AHCTF1: variants seen among roughly 807,000 people sequenced by gnomAD.
The protein encoded by AHCTF1 is AT-hook containing transcription factor 1, also known as protein ELYS.
Under a neutral mutation model 248.4 loss-of-function variants are expected in AHCTF1, and 24 were observed. That is an observed-to-expected ratio of 0.10 (90% confidence interval 0.07 to 0.14). The LOEUF (loss-of-function observed/expected upper bound fraction) is 0.14, where lower values mean the gene tolerates loss of function less well. Ranked by LOEUF, AHCTF1 falls within the 10% of genes least tolerant of loss-of-function variation. The pLI is 1.00. For synonymous variants in AHCTF1, 786 were observed against 929.8 expected, an observed-to-expected ratio of 0.85 and a Z score of 2.81; for missense variants, 2,206 against 2,636.2, an observed-to-expected ratio of 0.84 and a Z score of 3.57.
At chr1:246,891,673 C>T (rs1664213877) in intron 15 of AHCTF1, 106 bp downstream of exon 15, 1 of 1,205,108 alleles carries the variant, frequency 8.3e-7, no homozygotes, top group African/African-American at 1.6e-5. Flanking sequence ...GAAATAAAGT[C>T]CTCTTTACAT....
chr1:246,869,924 T>C (rs1052320011), intron 24 of AHCTF1, among the ~76,000 whole-genome samples: 1 of 152,198 alleles, frequency 6.6e-6, no homozygotes, highest in Non-Finnish European at 1.5e-5. Flanking sequence ...TAGTGATTCC[T>C]CTGAGAGATC....
chr1:246,884,579 C>T (rs1663681512), intron 21 of AHCTF1, among the ~76,000 whole-genome samples: 2 of 152,172 alleles, frequency 1.3e-5, no homozygotes, highest in South Asian at 2.1e-4. Flanking sequence ...AGCAATTTCT[C>T]CAGCTTAGTT....
intron 21 of AHCTF1, among the ~76,000 whole-genome samples, chr1:246,882,815 G>C (rs183038891): frequency 2.5e-3 from 378 of 152,308 alleles, no homozygotes; most frequent in Non-Finnish European, 3.1e-3. Context: ...AGTTGTGATG[G>C]TATGTCCATA....
Position 246,863,962 on chromosome 1 carries a change from A to G in AHCTF1, c.3502T>C (p.Ser1168Pro), listed in dbSNP as rs1382088087. Residue 1168 changes from serine to proline, a missense_variant, in exon 27 of 36, where the codon TCA (serine) becomes CCA (proline). Coordinates refer to ENST00000648844, the MANE Select transcript of AHCTF1 (RefSeq NM_001323342.2). Reference protein sequence around the residue: ...KGSPQAISRASELHLLETPLV... With the variant: ...KGSPQAISRAPELHLLETPLV... ...GGAGTTTCAAGCAAATGTAATTCTG[A>G]AGCCCTGGAGATGGCCTGAGGCGAT... The G allele has an allele frequency of 1.2e-6, 2 of 1,613,992 alleles. No individual in the cohort carries two copies. Among genetic ancestry groups the G allele is most frequent in the Non-Finnish European group, 8.5e-7 (1 of 1,179,972 alleles).
At chr1:246,862,268 C>CAGG in intron 27 of AHCTF1, 115 bp from the exon 28 acceptor site, 1 of 638,018 alleles carries the variant, frequency 1.6e-6, no homozygotes, top group Non-Finnish European at 2.5e-6. Flanking sequence ...ATCACCAGGT[C>CAGG]AGGAGATCGA....
chr1:246,922,713 T>C (rs1233836941), intron 1 of AHCTF1, among the ~76,000 whole-genome samples: 1 of 149,968 alleles, frequency 6.7e-6, no homozygotes, highest in Non-Finnish European at 1.5e-5. Context: ...CTGGGCGCAG[T>C]GGCTCACGCC....
intron 21 of AHCTF1, among the ~76,000 whole-genome samples, chr1:246,882,107 C>T (rs1663485438): frequency 6.6e-6 from 1 of 151,558 alleles, no homozygotes; most frequent in Non-Finnish European, 1.5e-5. Context: ...ACGCCATTCT[C>T]CTGCCTCAGC....
chr1:246,880,622 C>T (rs373549632), intron 21 of AHCTF1, among the ~76,000 whole-genome samples: 5 of 150,526 alleles, frequency 3.3e-5, no homozygotes, highest in African/African-American at 1.2e-4. Context: ...CCCAGTTGAT[C>T]AGACAAACTA....
intron 31 of AHCTF1, among the ~76,000 whole-genome samples, chr1:246,853,656 T>A (rs551536958): frequency 9.3e-5 from 14 of 149,760 alleles, no homozygotes; most frequent in African/African-American, 3.6e-4. Flanking sequence ...CAGAATTACA[T>A]GAGGAACATG....
At chr1:246,870,394 G>A (rs894512857) in intron 24 of AHCTF1, among the ~76,000 whole-genome samples, 7 of 152,236 alleles carry the variant, frequency 4.6e-5, no homozygotes, top group Admixed American at 4.6e-4. Context: ...CTGTACTAGA[G>A]CATCTGTGAC....
intron 26 of AHCTF1, 125 bp from the exon 27 acceptor site, chr1:246,864,241 T>C: frequency 2.0e-6 from 2 of 979,754 alleles, no homozygotes; most frequent in Non-Finnish European, 3.0e-6. Flanking sequence ...GTCAAGTATA[T>C]TAATGTAATC....
chr1:246,916,329 T>C lies in AHCTF1; in HGVS notation c.188A>G (p.Glu63Gly), dbSNP rs1397949517. The change falls in exon 3 of 36, where the codon GAG becomes GGG. Residue 63 changes from glutamate to glycine, a missense_variant. By Grantham distance (98) the Glu-to-Gly change is moderately conservative. This residue lies in a region of AHCTF1 where 69 missense variants were observed against 85.4 expected (regional missense o/e 0.81). Transcript: ENST00000648844. ...QLEVVNSITG[E>G]RLSAYRFSGV... ...ACTGAATCTGTAAGCAGACAATCGC[T>C]CTCCTGTTATAGAGTTTACTACCTC... 1 of 1,609,896 alleles carries C rather than the reference T, an allele frequency of 6.2e-7. No homozygotes were observed. Among genetic ancestry groups the C allele is most frequent in the Non-Finnish European group, 8.5e-7 (1 of 1,177,328 alleles).
intron 14 of AHCTF1, among the ~76,000 whole-genome samples, chr1:246,892,968 C>G (rs577004784): frequency 6.1e-4 from 93 of 152,238 alleles, no homozygotes; most frequent in African/African-American, 2.2e-3. Flanking sequence ...AAAACACTTA[C>G]TATGCTTTGT....
At chr1:246,881,753 G>A (rs1413283707) in intron 21 of AHCTF1, among the ~76,000 whole-genome samples, 3 of 149,680 alleles carry the variant, frequency 2.0e-5, no homozygotes, top group Non-Finnish European at 3.0e-5. Context: ...CAGGAGAATC[G>A]CTTGAACCTG....
rs566407863 is a variant in AHCTF1, at chr1:246,848,799, G to A, written c.6391+816C>T. On this transcript the variant is annotated intron_variant, in intron 33 of 35. Coordinates refer to ENST00000648844, the MANE Select transcript of AHCTF1 (RefSeq NM_001323342.2). ...CAGGGGGCACATGTTGCAGTGAGCC[G>A]AGATCATGCCATTGTGCTCCAGCCT... Among the ~76,000 whole-genome samples, 4 of 151,992 alleles carry A rather than the reference G, an allele frequency of 2.6e-5. No homozygotes were observed. In the South Asian group the frequency reaches 6.2e-4, roughly 24 times the overall value.
chr1:246,915,619 A>G (rs1306888357), intron 3 of AHCTF1, among the ~76,000 whole-genome samples: 1 of 152,210 alleles, frequency 6.6e-6, no homozygotes, highest in Non-Finnish European at 1.5e-5. Context: ...TGCTAGTCTT[A>G]TTCATTTGTC....
intron 28 of AHCTF1, 30 bp downstream of exon 28, chr1:246,861,927 ATG>A: frequency 6.4e-7 from 1 of 1,556,618 alleles, no homozygotes; most frequent in Non-Finnish European, 8.8e-7. Flanking sequence ...TTATTAAAAA[ATG>A]TCTTTTCTCC....
rs1224541752 is a variant in AHCTF1, at chr1:246,894,757, T to C, written c.1715-9A>G. 4 of 1,608,650 alleles carry C rather than the reference T, an allele frequency of 2.5e-6. No individual in the cohort carries two copies. The East Asian group carries it at 6.7e-5, about 27-fold the overall frequency. ...GGCAGAATTTGGTTGTTCTTATTTG[T>C]AAATACAAAAGGGAAAAAATAAAGA... On this transcript the variant is annotated splice_polypyrimidine_tract_variant and intron_variant, in intron 13 of 35. Transcript: ENST00000648844.
At chr1:246,883,282 A>G (rs1159440777) in intron 21 of AHCTF1, among the ~76,000 whole-genome samples, 3 of 152,208 alleles carry the variant, frequency 2.0e-5, no homozygotes, top group Non-Finnish European at 4.4e-5. Flanking sequence ...TTTTAGTTCA[A>G]ATTTCCCAAA....
Sources: allele counts gnomAD v4.1 joint callset (sites outside exome capture counted in the v4.1 genomes callset), GRCh38; gene constraint gnomAD v4.1.1; regional missense constraint gnomAD v4.1.1; transcripts MANE v1.5; gene names NCBI Gene and HGNC (gene_info 2026-07-23, HGNC 2026-07-21).